TRHDE: variants seen among roughly 807,000 people sequenced by gnomAD.
TRHDE encodes the protein thyrotropin releasing hormone degrading enzyme.
Under a neutral mutation model 125.7 loss-of-function variants are expected in TRHDE, and 72 were observed. The ratio of observed to expected loss-of-function variants is 0.57; its 90% CI spans 0.47 to 0.70. The LOEUF is 0.70. Among genes scored for constraint, TRHDE ranks in the 30% least tolerant of loss-of-function variants. The probability of loss-of-function intolerance (pLI) is 0.00; values close to 1 mark genes in which losing one functional copy is unlikely to be tolerated. For missense variants in TRHDE, 1,110 were observed against 1,327.1 expected (o/e 0.84, Z 2.54); for synonymous variants, 509 against 509.1 (o/e 1.00, Z 0.00).
intron 2 of TRHDE, among the ~76,000 whole-genome samples, chr12:72,174,892 G>A (rs193056354): frequency 6.6e-6 from 1 of 152,138 alleles, no homozygotes; most frequent in Non-Finnish European, 1.5e-5. Flanking sequence ...TCTACAGGGA[G>A]CTATATTGTC....
chr12:72,293,860 A>G (rs1230784664), intron 2 of TRHDE, among the ~76,000 whole-genome samples: 1 of 152,204 alleles, frequency 6.6e-6, no homozygotes. Flanking sequence ...CCTAGGTCCC[A>G]CACTAGCCAA....
chr12:72,640,186 G>A (rs1190907923), intron 15 of TRHDE, among the ~76,000 whole-genome samples: 1 of 152,262 alleles, frequency 6.6e-6, no homozygotes, highest in Non-Finnish European at 1.5e-5. Context: ...TCCGAGCCAG[G>A]TGCGGGACAC....
chr12:72,197,576 T>C (rs773097809), intron 2 of TRHDE, among the ~76,000 whole-genome samples: 1 of 152,154 alleles, frequency 6.6e-6, no homozygotes, highest in Non-Finnish European at 1.5e-5. Flanking sequence ...TAAGGTAAAA[T>C]CTGAAATGTT....
chr12:72,089,224 T>G lies in TRHDE; in HGVS notation n.174+1785T>G, dbSNP rs114224936. On this transcript the variant is annotated intron_variant and non_coding_transcript_variant, in intron 1 of 4. Transcript: ENST00000548156. ...CACTTTTGTTGCTGCCATCCTGATC[T>G]GAGTTTGTTACCTACATTGTTTCCA... Among the ~76,000 whole-genome samples, 228 of 152,318 alleles carry G rather than the reference T, an allele frequency of 1.5e-3. 2 individuals are homozygous for G. The highest frequency in any genetic ancestry group is 5.2e-3 in the African/African-American group (216 of 41,576).
At chr12:72,349,022 A>G (rs965627333) in intron 2 of TRHDE, among the ~76,000 whole-genome samples, 5 of 151,932 alleles carry the variant, frequency 3.3e-5, no homozygotes, top group Non-Finnish European at 7.4e-5. Flanking sequence ...CCCCTCTGAC[A>G]TGTTTCTAGC....
chr12:72,148,972 A>T (rs1202104826), intron 2 of TRHDE, among the ~76,000 whole-genome samples: 3 of 152,286 alleles, frequency 2.0e-5, no homozygotes, highest in Non-Finnish European at 2.9e-5. Flanking sequence ...TTTCACAAGA[A>T]TGGCTTCACT....
At chr12:72,415,033 G>GC (rs1034916677) in intron 3 of TRHDE, among the ~76,000 whole-genome samples, 5 of 152,104 alleles carry the variant, frequency 3.3e-5, no homozygotes, top group Admixed American at 6.6e-5. Context: ...TTTGACAGGG[G>GC]CTCCTACTGT....
At chr12:72,229,662 A>C (rs952649912) in intron 2 of TRHDE, among the ~76,000 whole-genome samples, 1 of 152,226 alleles carries the variant, frequency 6.6e-6, no homozygotes, top group Non-Finnish European at 1.5e-5. Context: ...TACTAAAATC[A>C]TTTGCTTAAT....
intron 9 of TRHDE, among the ~76,000 whole-genome samples, chr12:72,568,183 C>T (rs1365994861): frequency 6.6e-6 from 1 of 151,882 alleles, no homozygotes; most frequent in Non-Finnish European, 1.5e-5. Flanking sequence ...TGCATGAAGC[C>T]ACTGAAATGT....
At chr12:72,293,133 C>A (rs942106754) in intron 2 of TRHDE, among the ~76,000 whole-genome samples, 4 of 151,274 alleles carry the variant, frequency 2.6e-5, no homozygotes, top group African/African-American at 9.7e-5. Flanking sequence ...TACCAATGGT[C>A]TCTCTGAGTG....
intron 2 of TRHDE, among the ~76,000 whole-genome samples, chr12:72,338,354 A>G (rs17727074): frequency 0.35 from 52,809 of 152,014 alleles, 9,895 homozygotes; most frequent in Non-Finnish European, 0.43. Flanking sequence ...CTTAATTGGT[A>G]TTTTCTACTT....
chr12:72,385,017 C>A lies in TRHDE; in HGVS notation c.1315+6896C>A, dbSNP rs570204140. Reference sequence around the variant, plus strand: ...CTATCTTGATCTTAATCAAACAGCTCATAGTTTGAACCTTTTCTTATGTTT... The same window carrying A: ...CTATCTTGATCTTAATCAAACAGCTAATAGTTTGAACCTTTTCTTATGTTT... On this transcript the variant is annotated intron_variant, in intron 3 of 18. Coordinates refer to ENST00000261180, the MANE Select transcript of TRHDE (RefSeq NM_013381.3). Among the ~76,000 whole-genome samples, 5 of 152,190 alleles carry A rather than the reference C, an allele frequency of 3.3e-5. No individual in the cohort carries two copies. In the South Asian group the frequency reaches 6.2e-4, roughly 19 times the overall value.
intron 1 of TRHDE, among the ~76,000 whole-genome samples, chr12:72,088,304 C>G (rs927033112): frequency 3.3e-5 from 5 of 152,016 alleles, no homozygotes; most frequent in African/African-American, 1.2e-4. Context: ...TCTAATGTAC[C>G]TTGAAGAACT....
chr12:72,519,728 T>C (rs1436913130), intron 6 of TRHDE, among the ~76,000 whole-genome samples: 1 of 152,208 alleles, frequency 6.6e-6, no homozygotes, highest in East Asian at 1.9e-4. Context: ...CTCTGCTTTT[T>C]AGAGTTTCCA....
At chr12:72,350,476 G>C (rs955946610) in intron 2 of TRHDE, among the ~76,000 whole-genome samples, 1 of 151,990 alleles carries the variant, frequency 6.6e-6, no homozygotes, top group Non-Finnish European at 1.5e-5. Context: ...CTGAGACTCA[G>C]GTAGGTTAAA....
chr12:72,116,578 T>C (rs1875448592), intron 2 of TRHDE, among the ~76,000 whole-genome samples: 1 of 152,206 alleles, frequency 6.6e-6, no homozygotes, highest in Non-Finnish European at 1.5e-5. Context: ...TGGTATCTCA[T>C]TGTGGTTTTG....
At chr12:72,272,141 C>T (rs1215735879), upstream of TRHDE, 24 of 457,588 alleles carry the variant, frequency 5.2e-5, no homozygotes, top group East Asian at 1.5e-3. This position sits in a 1 kb window ranked among gnomAD's most constrained non-coding sequence, Gnocchi z 6.7. Context: ...GCACATTCCA[C>T]CCAGAGGACC....
chr12:72,309,619 A>G (rs763134267), intron 2 of TRHDE: 2 of 152,178 alleles, frequency 1.3e-5, no homozygotes, highest in African/African-American at 2.4e-5. Context: ...AACTTCCTCA[A>G]TTAAGTGCAA....
intron 5 of TRHDE, among the ~76,000 whole-genome samples, chr12:72,485,599 G>A (rs1212573756): frequency 1.3e-5 from 2 of 152,102 alleles, no homozygotes; most frequent in African/African-American, 4.8e-5. Flanking sequence ...TTCTACAGGT[G>A]AGGCAGCATC....
Sources: gnomAD v4.1 joint callset for allele counts (sites outside exome capture counted in the v4.1 genomes callset) on GRCh38, gnomAD v4.1.1 for gene constraint, Gnocchi (gnomAD v3.1) non-coding constraint, MANE v1.5 for transcripts, NCBI Gene and HGNC (gene_info 2026-07-23, HGNC 2026-07-21) for gene names.